DGKB: variants seen among roughly 807,000 people sequenced by gnomAD.
The protein encoded by DGKB is diacylglycerol kinase beta, also known as 90 kDa diacylglycerol kinase.
DGKB carries 67 observed loss-of-function variants against 114.3 expected under a neutral mutation model. The ratio of observed to expected loss-of-function variants is 0.59; its 90% CI spans 0.48 to 0.72. The LOEUF (loss-of-function observed/expected upper bound fraction) is 0.72. DGKB is among the 30% of genes least tolerant of loss of function. The pLI is 0.00. For missense variants in DGKB, 907 were observed against 975.2 expected (o/e 0.93, Z 0.93); for synonymous variants, 398 against 323.1 (o/e 1.23, Z -2.49).
chr7:14,271,677 T>G (rs745842723), intron 23 of DGKB, among the ~76,000 whole-genome samples: 59 of 152,138 alleles, frequency 3.9e-4, no homozygotes, highest in Non-Finnish European at 6.6e-4. Context: ...CTGAGTGCTC[T>G]GAAAGAGAGC....
intron 13 of DGKB, among the ~76,000 whole-genome samples, chr7:14,641,201 T>A (rs1811714381): frequency 6.6e-6 from 1 of 152,080 alleles, no homozygotes; most frequent in Non-Finnish European, 1.5e-5. Flanking sequence ...TAAATCTCAT[T>A]GTTTTAATTT....
At chr7:14,905,963 A>G (rs1783684677), upstream of DGKB, among the ~76,000 whole-genome samples, 1 of 152,142 alleles carries the variant, frequency 6.6e-6, no homozygotes, top group Non-Finnish European at 1.5e-5. Flanking sequence ...CTCACTTCTC[A>G]GGGTCTCTAA....
intron 1 of DGKB, among the ~76,000 whole-genome samples, chr7:14,965,913 A>G (rs1396476687): frequency 6.6e-6 from 1 of 152,094 alleles, no homozygotes; most frequent in Non-Finnish European, 1.5e-5. Flanking sequence ...ACATTTTTGT[A>G]CATCATGATA....
At chr7:14,809,973 T>C (rs1452898914) in intron 2 of DGKB, among the ~76,000 whole-genome samples, 1 of 152,214 alleles carries the variant, frequency 6.6e-6, no homozygotes, top group Non-Finnish European at 1.5e-5. Flanking sequence ...TACTTCCCTG[T>C]TTTCCACTAA....
At chr7:14,470,759 A>G (rs1781161971) in intron 21 of DGKB, among the ~76,000 whole-genome samples, 1 of 151,724 alleles carries the variant, frequency 6.6e-6, no homozygotes, top group African/African-American at 2.4e-5. Flanking sequence ...CCAATTTTCA[A>G]TTGGCTTTTT....
intron 7 of DGKB, 35 bp from the exon 8 acceptor site, chr7:14,698,204 A>T: frequency 7.7e-7 from 1 of 1,301,100 alleles, no homozygotes; most frequent in East Asian, 2.7e-5. Context: ...ATATGAATAC[A>T]AGATCTTAGT....
Position 14,646,472 on chromosome 7 carries a change from T to C in DGKB, c.1135-16204A>G, listed in dbSNP as rs546952225. Among the ~76,000 whole-genome samples, 31 of 152,284 alleles carry C rather than the reference T, an allele frequency of 2.0e-4. No individual in the cohort carries two copies. In the South Asian group the frequency reaches 6.2e-3, roughly 30 times the overall value. Reference sequence around the variant, plus strand: ...AAATTGTAAAATATTGGACTTACACTGCACTATAGACCAAATGAACCCAAT... The same window carrying C: ...AAATTGTAAAATATTGGACTTACACCGCACTATAGACCAAATGAACCCAAT... On this transcript the variant is annotated intron_variant, in intron 13 of 25. Coordinates refer to ENST00000402815, the MANE Select transcript of DGKB (RefSeq NM_001350709.2).
At position 14,370,539 on chromosome 7, in the gene DGKB, G is replaced by C. The variant is rs183076781; in HGVS notation, c.1836-25148C>G. ...GCAGTATGGCCATTTTCATGATATT[G>C]ATTCTTCCTATCCGTGAGCATGGAA... On this transcript the variant is annotated intron_variant, in intron 21 of 25. Transcript: ENST00000402815. Among the ~76,000 whole-genome samples, 8 of 152,212 alleles carry C rather than the reference G, an allele frequency of 5.3e-5. No individual in the cohort carries two copies. The East Asian group carries it at 1.5e-3, about 29-fold the overall frequency.
Position 14,972,671 on chromosome 7 carries a change from GAAA to G in DGKB, c.-188+2022_-188+2024del, listed in dbSNP as rs35166956. On this transcript the variant is annotated intron_variant, in intron 1 of 4. Transcript: ENST00000437998. ...TGCTGATGTCCTCTCAAAGATTGTT[GAAA>G]AAAAAAAAAAAGACAAAATCTGCTG... is the stretch of plus-strand genomic sequence containing the variant. Among the ~76,000 whole-genome samples the G allele has an allele frequency of 4.6e-4, 65 of 140,842 alleles. 1 individual carries two copies. The highest frequency in any genetic ancestry group is 2.2e-3 in the South Asian group (10 of 4,574). 92.4% of individuals were successfully genotyped at this position (140,842 alleles called of 152,430 possible). A position where few individuals can be genotyped will look rare whatever the true frequency, so the allele number is the denominator to read the frequency against.
At chr7:14,386,436 C>T (rs1472957619) in intron 21 of DGKB, among the ~76,000 whole-genome samples, 1 of 152,222 alleles carries the variant, frequency 6.6e-6, no homozygotes, top group Non-Finnish European at 1.5e-5. Flanking sequence ...TTTGCCCTAA[C>T]ACGTGACTCC....
chr7:14,746,753 C>T (rs1833347840), intron 4 of DGKB, among the ~76,000 whole-genome samples: 1 of 152,160 alleles, frequency 6.6e-6, no homozygotes, highest in Non-Finnish European at 1.5e-5. Flanking sequence ...TCTGCCTCGG[C>T]CTCCCAAAAT....
At chr7:14,470,657 A>T (rs1781144146) in intron 21 of DGKB, among the ~76,000 whole-genome samples, 1 of 151,962 alleles carries the variant, frequency 6.6e-6, no homozygotes, top group South Asian at 2.1e-4. Context: ...AAATACAAAT[A>T]TCTCCTATAT....
At chr7:14,166,591 C>G (rs1036144716) in intron 25 of DGKB, among the ~76,000 whole-genome samples, 1 of 152,138 alleles carries the variant, frequency 6.6e-6, no homozygotes, top group Admixed American at 6.6e-5. Context: ...GGAATAAGCA[C>G]TCTTCACTCT....
intron 2 of DGKB, among the ~76,000 whole-genome samples, chr7:14,821,817 C>G (rs990466805): frequency 1.3e-5 from 2 of 152,048 alleles, no homozygotes; most frequent in Non-Finnish European, 2.9e-5. Flanking sequence ...GGAGAAGAGG[C>G]AAGAAGACCA....
chr7:14,221,713 T>C (rs187538041), intron 23 of DGKB, among the ~76,000 whole-genome samples: 39 of 151,494 alleles, frequency 2.6e-4, no homozygotes, highest in African/African-American at 8.7e-4. Flanking sequence ...CCTCATTTTT[T>C]GGAAGGGTTT....
intron 1 of DGKB, among the ~76,000 whole-genome samples, chr7:14,925,666 C>T (rs374256597): frequency 2.0e-5 from 3 of 151,968 alleles, no homozygotes; most frequent in East Asian, 3.9e-4. Flanking sequence ...AATTGTAAAT[C>T]GTATTGTGTT....
chr7:14,864,681 C>G (rs1033843896), intron 1 of DGKB, among the ~76,000 whole-genome samples: 1 of 151,684 alleles, frequency 6.6e-6, no homozygotes, highest in Non-Finnish European at 1.5e-5. Context: ...AGCGATTAGC[C>G]AGGCAGAAAG....
chr7:14,291,117 A>G (rs1401486286), intron 23 of DGKB, among the ~76,000 whole-genome samples: 3 of 130,040 alleles, frequency 2.3e-5, no homozygotes, highest in Non-Finnish European at 4.7e-5. Context: ...ACTCCAGCCT[A>G]TGCAACAAAA....
At chr7:14,883,339 G>T (rs954733714) in intron 1 of DGKB, among the ~76,000 whole-genome samples, 2 of 151,954 alleles carry the variant, frequency 1.3e-5, no homozygotes, top group African/African-American at 4.8e-5. Context: ...TAGGAAGCAA[G>T]CCATTTTGCT....
Sources: gnomAD v4.1 joint callset for allele counts (sites outside exome capture counted in the v4.1 genomes callset) on GRCh38, gnomAD v4.1.1 for gene constraint, MANE v1.5 for transcripts, NCBI Gene and HGNC (gene_info 2026-07-23, HGNC 2026-07-21) for gene names.